The following ZNRF3 variants were observed in gnomAD, a reference collection of about 807,000 sequenced individuals.
ZNRF3 encodes zinc and ring finger 3.
Under a neutral mutation model 72.5 loss-of-function variants are expected in ZNRF3, and 23 were observed. The ratio of observed to expected loss-of-function variants is 0.32; its 90% CI spans 0.23 to 0.45. The LOEUF is 0.45. Among genes scored for constraint, ZNRF3 ranks in the 20% least tolerant of loss-of-function variants. The probability of loss-of-function intolerance (pLI) is 1.00; values close to 1 mark genes in which losing one functional copy is unlikely to be tolerated. For synonymous variants in ZNRF3, 610 were observed against 545.3 expected, an observed-to-expected ratio of 1.12 and a Z score of -1.65; for missense variants, 1,169 against 1,272.1, an observed-to-expected ratio of 0.92 and a Z score of 1.23.
intron 1 of ZNRF3, among the ~76,000 whole-genome samples, chr22:28,891,670 T>C (rs1478962857): frequency 6.6e-6 from 1 of 152,242 alleles, no homozygotes; most frequent in East Asian, 1.9e-4. Context: ...ACAAGCCCGC[T>C]TCACTTCACA....
At chr22:28,991,174 C>T (rs1276094738) in intron 2 of ZNRF3, among the ~76,000 whole-genome samples, 1 of 147,570 alleles carries the variant, frequency 6.8e-6, no homozygotes, top group South Asian at 2.2e-4. Flanking sequence ...TTCAGCTACT[C>T]GGGAGGCTGA....
At chr22:28,994,031 T>A (rs1211098891) in intron 2 of ZNRF3, among the ~76,000 whole-genome samples, 1 of 152,084 alleles carries the variant, frequency 6.6e-6, no homozygotes, top group Non-Finnish European at 1.5e-5. Flanking sequence ...TGTGTTTAGA[T>A]GGGAATAGCC....
chr22:28,925,481 TACTGGAAGGCAAG>T (rs1283265244), intron 1 of ZNRF3, among the ~76,000 whole-genome samples: 1 of 152,178 alleles, frequency 6.6e-6, no homozygotes, highest in Admixed American at 6.5e-5. Flanking sequence ...GTCTGTAAGT[TACTGGAAGGCAAG>T]ACTGGAAGGG....
At chr22:28,986,982 T>C (rs973504850) in intron 1 of ZNRF3, 94 bp from the exon 2 acceptor site, 9 of 1,490,720 alleles carry the variant, frequency 6.0e-6, no homozygotes, top group South Asian at 5.6e-5. Context: ...AGTTTTGACG[T>C]TACTTTTGGC....
Position 29,037,612 on chromosome 22 carries a change from C to T in ZNRF3, c.427-4883C>T, listed in dbSNP as rs909247812. 1.4e-4 allele frequency among the ~76,000 whole-genome samples: 21 copies of T among 152,280 alleles called. 1 individual carries two copies. Among genetic ancestry groups the T allele is most frequent in the Middle Eastern group, 6.8e-3 (2 of 294 alleles). On this transcript the variant is annotated intron_variant, in intron 2 of 8. Coordinates refer to ENST00000544604, the MANE Select transcript of ZNRF3 (RefSeq NM_001206998.2). Reference sequence around the variant, plus strand: ...CTAGAGGCTGGAATTTTGTACTTTGCAAATGTATTTTAAGGGCGCAAGTGT... The same window carrying T: ...CTAGAGGCTGGAATTTTGTACTTTGTAAATGTATTTTAAGGGCGCAAGTGT...
At chr22:28,949,650 C>T (rs1373696036) in intron 1 of ZNRF3, among the ~76,000 whole-genome samples, 1 of 152,194 alleles carries the variant, frequency 6.6e-6, no homozygotes, top group Admixed American at 6.5e-5. Flanking sequence ...GTGATAGGTA[C>T]ACATTTCCCA....
chr22:28,916,729 G>A (rs959591836), intron 1 of ZNRF3, among the ~76,000 whole-genome samples: 1 of 152,096 alleles, frequency 6.6e-6, no homozygotes, highest in Non-Finnish European at 1.5e-5. Context: ...TATTCTGGCC[G>A]CTGTCCCTTT....
chr22:29,043,533 G>C (rs2037008372), intron 4 of ZNRF3, 103 bp downstream of exon 4: 6 of 1,432,944 alleles, frequency 4.2e-6, no homozygotes, highest in South Asian at 4.0e-5. Context: ...TGAAATGCTG[G>C]CATACCCCAG....
At chr22:28,923,940 C>T (rs543048957) in intron 1 of ZNRF3, among the ~76,000 whole-genome samples, 6 of 152,302 alleles carry the variant, frequency 3.9e-5, no homozygotes, top group Admixed American at 6.5e-5. Context: ...TTGCGCTGGC[C>T]GGGCAATCAT....
intron 2 of ZNRF3, among the ~76,000 whole-genome samples, chr22:29,018,844 A>G (rs1008408862): frequency 6.6e-6 from 1 of 152,052 alleles, no homozygotes; most frequent in African/African-American, 2.4e-5. Flanking sequence ...CTGCATAACA[A>G]ACTGCCCTTA....
At chr22:29,022,783 T>G (rs1444660577) in intron 2 of ZNRF3, among the ~76,000 whole-genome samples, 2 of 152,216 alleles carry the variant, frequency 1.3e-5, no homozygotes. Flanking sequence ...TTACCCTTCT[T>G]TTCAAGATTC....
chr22:29,019,210 A>G (rs1384173479), intron 2 of ZNRF3, among the ~76,000 whole-genome samples: 2 of 152,084 alleles, frequency 1.3e-5, no homozygotes, highest in Non-Finnish European at 2.9e-5. Context: ...TGTCCCATTG[A>G]CCAAAGCAAC....
intron 2 of ZNRF3, among the ~76,000 whole-genome samples, chr22:29,020,897 C>T (rs963570085): frequency 5.9e-5 from 9 of 151,400 alleles, no homozygotes; most frequent in Admixed American, 4.6e-4. Flanking sequence ...CCTGGGTTTA[C>T]GCCATTCTCC....
At position 28,883,661 on chromosome 22, in the gene ZNRF3, C is replaced by CCGCCGCCGT. The variant is rs1228807518; in HGVS notation, c.-105_-97dup. 71 of 973,702 alleles carry CCGCCGCCGT rather than the reference C, an allele frequency of 7.3e-5. No homozygotes were observed. Among genetic ancestry groups the CCGCCGCCGT allele is most frequent in the Non-Finnish European group, 8.7e-5 (71 of 819,008 alleles). 60.3% of individuals were successfully genotyped at this position (973,702 alleles called of 1,614,324 possible). A position where few individuals can be genotyped will look rare whatever the true frequency, so the allele number is the denominator to read the frequency against. ...CCTGCGACCCACAAAGCCGCCGCCG[C>CCGCCGCCGT]CGCCGCCGTGATGGGGCTGTGAGGC... On this transcript the variant is annotated 5_prime_UTR_variant, in exon 1 of 9. Transcript: ENST00000544604. This position sits in a 1 kb window ranked among gnomAD's most constrained non-coding sequence, Gnocchi z 5.5.
chr22:28,982,719 C>G (rs972883147), intron 1 of ZNRF3, among the ~76,000 whole-genome samples: 1 of 152,066 alleles, frequency 6.6e-6, no homozygotes, highest in African/African-American at 2.4e-5. Flanking sequence ...CAGGTCAGTT[C>G]CCTAAGAATA....
At chr22:29,010,073 A>AT (rs575838695) in intron 2 of ZNRF3, among the ~76,000 whole-genome samples, 5,752 of 150,694 alleles carry the variant, frequency 0.038, 191 homozygotes, top group African/African-American at 0.087. Flanking sequence ...CGCCTGGCTA[A>AT]TTTTTTTTTG....
chr22:28,923,768 A>G (rs568233451), intron 1 of ZNRF3, among the ~76,000 whole-genome samples: 15 of 152,336 alleles, frequency 9.8e-5, no homozygotes, highest in African/African-American at 3.6e-4. Context: ...GGCTGTTCCC[A>G]CAAATGTTAA....
chr22:29,036,513 C>T (rs2036870629), intron 2 of ZNRF3, among the ~76,000 whole-genome samples: 2 of 152,214 alleles, frequency 1.3e-5, no homozygotes, highest in Admixed American at 1.3e-4. Context: ...CCCAGCTCAT[C>T]AACAGACCGC....
intron 8 of ZNRF3, among the ~76,000 whole-genome samples, chr22:29,051,632 C>G (rs2037209016): frequency 1.3e-5 from 2 of 148,916 alleles, no homozygotes; most frequent in Admixed American, 1.3e-4. Flanking sequence ...AAAGGCAGGA[C>G]CCAGTGGCTC....
Sources: allele counts gnomAD v4.1 joint callset (sites outside exome capture counted in the v4.1 genomes callset), GRCh38; gene constraint gnomAD v4.1.1; non-coding constraint Gnocchi (gnomAD v3.1); transcripts MANE v1.5; gene names NCBI Gene and HGNC (gene_info 2026-07-23, HGNC 2026-07-21).